Variants in SLC6A20 observed in about 807,000 individuals in gnomAD.
The protein encoded by SLC6A20 is sodium- and chloride-dependent transporter XTRP3.
In SLC6A20, 73 loss-of-function variants were observed where a neutral mutation model predicts 64.3. That is an observed-to-expected ratio of 1.14 (90% confidence interval 0.94 to 1.38). SLC6A20 has a LOEUF of 1.38. Among genes scored for constraint, SLC6A20 ranks in the 40% most tolerant of loss-of-function variants. The pLI, the probability that SLC6A20 is intolerant of heterozygous loss-of-function variation, is 0.00. For synonymous variants in SLC6A20, 347 were observed against 329.6 expected (o/e 1.05, Z -0.57); for missense variants, 725 against 772.8 (o/e 0.94, Z 0.73).
intron 1 of SLC6A20, among the ~76,000 whole-genome samples, chr3:45,783,490 C>T (rs115082097): frequency 3.5e-3 from 526 of 152,356 alleles, no homozygotes; most frequent in Non-Finnish European, 5.5e-3. Context: ...TGCATCACCC[C>T]TTAAAGAGCT....
chr3:45,758,673 A>T lies in SLC6A20; in HGVS notation c.*305T>A. 8.5e-7 allele frequency: 1 copy of T among 1,179,066 alleles called. No homozygotes were observed. Among genetic ancestry groups the T allele is most frequent in the South Asian group, 2.4e-5 (1 of 42,114 alleles). 73.0% of individuals were successfully genotyped at this position (1,179,066 alleles called of 1,614,324 possible). ...CCCATAAGAATTATAGTCATATTTC[A>T]GTTTGCAATGTGCCCTAATTCTAGG... On this transcript the variant is annotated 3_prime_UTR_variant, in exon 11 of 11. Coordinates refer to ENST00000358525, the MANE Select transcript of SLC6A20 (RefSeq NM_020208.4).
chr3:45,765,476 G>C lies in SLC6A20; in HGVS notation c.1303+61C>G. ...ATGACCCCTGAGGGAGCTCTCCCCT[G>C]TTCACCCCCACGCCTTGGCCCTCCT... is the stretch of plus-strand genomic sequence containing the variant. On this transcript the variant is annotated intron_variant, in intron 8 of 10. Coordinates refer to ENST00000358525, the MANE Select transcript of SLC6A20 (RefSeq NM_020208.4). The surrounding 1 kb of genome is among the most constrained non-coding windows in gnomAD (Gnocchi z 4.2). The C allele has an allele frequency of 6.4e-7, 1 of 1,551,648 alleles. No individual in the cohort carries two copies. Among genetic ancestry groups the C allele is most frequent in the Non-Finnish European group, 8.7e-7 (1 of 1,146,626 alleles).
In SLC6A20 at chr3:45,796,425, C is replaced by A; in HGVS notation, c.-6G>T. 1 of 1,608,478 alleles carries A rather than the reference C, an allele frequency of 6.2e-7. No individual in the cohort carries two copies. Among genetic ancestry groups the A allele is most frequent in the Non-Finnish European group, 8.5e-7 (1 of 1,177,672 alleles). On this transcript the variant is annotated 5_prime_UTR_variant, in exon 1 of 11. Coordinates refer to ENST00000358525, the MANE Select transcript of SLC6A20 (RefSeq NM_020208.4). ...AGCGGCCGCGCTTTCTCCATGGCCCCGGCCTCGGCGCGCTCGGCTCCGGCT... is the reference window on the plus strand; with the variant it reads ...AGCGGCCGCGCTTTCTCCATGGCCCAGGCCTCGGCGCGCTCGGCTCCGGCT...
rs1032687373 is a variant in SLC6A20, at chr3:45,765,914, A to G, written c.1099-173T>C. On this transcript the variant is annotated intron_variant, in intron 7 of 10. Transcript: ENST00000358525. The surrounding 1 kb of genome is among the most constrained non-coding windows in gnomAD (Gnocchi z 4.2). ...TTACACTCAGCTGGGCTGAAACGAA[A>G]TGGGAGCTGCCAGGAGCTCATATAT... 1 of 671,700 alleles carries G rather than the reference A, an allele frequency of 1.5e-6. No homozygotes were observed. Among genetic ancestry groups the G allele is most frequent in the African/African-American group, 1.8e-5 (1 of 55,268 alleles). 41.6% of individuals were successfully genotyped at this position (671,700 alleles called of 1,614,324 possible).
chr3:45,769,767 T>C (rs1418070396), intron 7 of SLC6A20, among the ~76,000 whole-genome samples: 1 of 152,046 alleles, frequency 6.6e-6, no homozygotes, highest in Admixed American at 6.5e-5. Flanking sequence ...AGATGGGTAA[T>C]AGAAATATAA....
chr3:45,790,801 T>G (rs1266945827), intron 1 of SLC6A20, among the ~76,000 whole-genome samples: 1 of 152,226 alleles, frequency 6.6e-6, no homozygotes, highest in African/African-American at 2.4e-5. Flanking sequence ...AGCCTGTTAT[T>G]TGGGGCCCTT....
intron 3 of SLC6A20, among the ~76,000 whole-genome samples, chr3:45,777,637 TGCAGGGAGAGGGAG>T (rs1161682356): frequency 6.6e-6 from 1 of 152,134 alleles, no homozygotes; most frequent in African/African-American, 2.4e-5. Context: ...ATGATGCGGG[TGCAGGGAGAGGGAG>T]GCACGTGGAG....
intron 1 of SLC6A20, among the ~76,000 whole-genome samples, chr3:45,786,432 G>A (rs1198766592): frequency 6.6e-6 from 1 of 152,146 alleles, no homozygotes. Flanking sequence ...TGCTTTAGAG[G>A]AGCACTGGCC....
At chr3:45,781,373 T>C (rs1700082324) in intron 2 of SLC6A20, among the ~76,000 whole-genome samples, 2 of 152,234 alleles carry the variant, frequency 1.3e-5, no homozygotes, top group African/African-American at 4.8e-5. Context: ...CACTCTGCTT[T>C]CCTGCCTGCC....
chr3:45,787,327 C>A (rs1206127989), intron 1 of SLC6A20, among the ~76,000 whole-genome samples: 3 of 152,172 alleles, frequency 2.0e-5, no homozygotes. Context: ...GTGCTCTGCC[C>A]AGACTTGGCT....
chr3:45,777,003 A>G (rs1471116713), intron 3 of SLC6A20, among the ~76,000 whole-genome samples: 1 of 152,098 alleles, frequency 6.6e-6, no homozygotes, highest in Non-Finnish European at 1.5e-5. Context: ...GATGGGAGGG[A>G]GGGGAGGAAA....
chr3:45,760,296 T>G (rs533795924), intron 9 of SLC6A20, among the ~76,000 whole-genome samples: 58 of 152,308 alleles, frequency 3.8e-4, no homozygotes, highest in African/African-American at 1.4e-3. Context: ...AGCCTTCAGA[T>G]GAAGGCTGCT....
At position 45,759,140 on chromosome 3, in the gene SLC6A20, A is replaced by C; in HGVS notation, c.1630-13T>G. On this transcript the variant is annotated splice_polypyrimidine_tract_variant and intron_variant, in intron 10 of 10. Coordinates refer to ENST00000358525, the MANE Select transcript of SLC6A20 (RefSeq NM_020208.4). ...TCACGAGCTGGCCCTGAAAGGAGAG[A>C]CTGAGTGTCAGCAGAGAGCACCTGC... 1 of 1,604,506 alleles carries C rather than the reference A, an allele frequency of 6.2e-7. No individual in the cohort carries two copies. The highest frequency in any genetic ancestry group is 2.2e-4 in the Middle Eastern group (1 of 4,624).
chr3:45,760,044 A>G (rs1202692665), intron 9 of SLC6A20, 22 bp from the exon 10 acceptor site: 1 of 1,601,220 alleles, frequency 6.2e-7, no homozygotes, highest in South Asian at 1.1e-5. Flanking sequence ...ACAGGGAGAG[A>G]AAGTCTGGAT....
Position 45,780,012 on chromosome 3 carries a change from G to A in SLC6A20, c.351C>T (p.Phe117=), listed in dbSNP as rs1230328853. The A allele has an allele frequency of 6.2e-7, 1 of 1,600,198 alleles. No homozygotes were observed. Among genetic ancestry groups the A allele is most frequent in the Non-Finnish European group, 8.5e-7 (1 of 1,173,166 alleles). ...TGGCACGGGCCCCCCGGCTCACCTG[G>A]AAGGAGTGGAAGAGGTACCAGAAGG... ...AWAFWYLFHS[F]QDPLPWSVCP... Residue 117 remains phenylalanine, a synonymous_variant, in exon 3 of 11, where the codon TTC becomes TTT. Coordinates refer to ENST00000358525, the MANE Select transcript of SLC6A20 (RefSeq NM_020208.4).
chr3:45,775,960 A>C lies in SLC6A20; in HGVS notation c.383T>G (p.Leu128Arg). The C allele has an allele frequency of 3.7e-6, 6 of 1,614,214 alleles. No individual in the cohort carries two copies. Among genetic ancestry groups the C allele is most frequent in the Non-Finnish European group, 5.1e-6 (6 of 1,180,026 alleles). The change falls in exon 4 of 11, where the codon CTG becomes CGG. Residue 128 changes from leucine to arginine, a missense_variant. Physicochemically the swap from Leu to Arg is moderately radical, Grantham distance 102. Transcript: ENST00000358525. The stretch of plus-strand genomic sequence containing the variant: ...ATCGTAGCCCGTGTGGTTACCATTC[A>C]GTGGGCAGACAGACCACGGCAGGGG... ...QDPLPWSVCP[L>R]NGNHTGYDEE...
chr3:45,774,701 A>T (rs1239999301), intron 4 of SLC6A20, among the ~76,000 whole-genome samples: 2 of 152,164 alleles, frequency 1.3e-5, no homozygotes, highest in Non-Finnish European at 2.9e-5. Flanking sequence ...TGGAGGAGAC[A>T]ACTCAGGTAG....
rs995717106 is a variant in SLC6A20 at position 45,784,865 on chromosome 3, G to A, written c.122-2642C>T. 3.3e-5 allele frequency among the ~76,000 whole-genome samples: 5 copies of A among 152,302 alleles called. No homozygotes were observed. In the South Asian group the frequency reaches 6.2e-4, roughly 19 times the overall value. ...TTACTGCATCATCCCATGGCAGGAGGTGGGAGGGCAAGAGGGAGCAAAGGG... is the reference window on the plus strand; with the variant it reads ...TTACTGCATCATCCCATGGCAGGAGATGGGAGGGCAAGAGGGAGCAAAGGG... On this transcript the variant is annotated intron_variant, in intron 1 of 10. Coordinates refer to ENST00000358525, the MANE Select transcript of SLC6A20 (RefSeq NM_020208.4).
At chr3:45,775,625 C>G in intron 4 of SLC6A20, 136 bp downstream of exon 4, 1 of 776,150 alleles carries the variant, frequency 1.3e-6, no homozygotes, top group South Asian at 1.8e-5. Context: ...TGCCCTCTGC[C>G]CTAACATAGC....
Sources: allele counts gnomAD v4.1 joint callset (sites outside exome capture counted in the v4.1 genomes callset), GRCh38; gene constraint gnomAD v4.1.1; non-coding constraint Gnocchi (gnomAD v3.1); transcripts MANE v1.5; gene names NCBI Gene and HGNC (gene_info 2026-07-23, HGNC 2026-07-21).